The following GASK1A variants were observed in gnomAD, a reference collection of about 807,000 sequenced individuals.
GASK1A encodes the protein golgi associated kinase 1A, also known as Golgi-associated kinase 1A.
In GASK1A, 40 loss-of-function variants were observed where a neutral mutation model predicts 41.2. That is an observed-to-expected ratio of 0.97 (90% CI 0.75 to 1.27). GASK1A has a LOEUF of 1.27. Among genes scored for constraint, GASK1A ranks in the 50% most tolerant of loss-of-function variants. The pLI is 0.00. For synonymous variants in GASK1A, 316 were observed against 307.1 expected, an observed-to-expected ratio of 1.03 and a Z score of -0.30; for missense variants, 678 against 745.1, an observed-to-expected ratio of 0.91 and a Z score of 1.05.
chr3:43,032,486 A>G lies in GASK1A; in HGVS notation c.223A>G (p.Met75Val), dbSNP rs752749775. 2.3e-5 allele frequency: 36 copies of G among 1,550,760 alleles called. 1 individual carries two copies. In the South Asian group the frequency reaches 2.7e-4, roughly 12 times the overall value. ...CAGCCGGAGGCAGCGGGCAAGAAAC[A>G]TGGGCTTCTGGAGAAGCCGTGCTTT... The part of the protein sequence containing the change: ...SSSRRQRARN[M>V]GFWRSRALPR... Residue 75 changes from methionine to valine, a missense_variant, in exon 2 of 5, where the codon ATG becomes GTG. Coordinates refer to ENST00000430121, the MANE Select transcript of GASK1A (RefSeq NM_001129908.3).
intron 1 of GASK1A, among the ~76,000 whole-genome samples, chr3:42,997,149 A>G (rs2089379896): frequency 6.6e-6 from 1 of 152,238 alleles, no homozygotes; most frequent in African/African-American, 2.4e-5. Context: ...CAGGAGATGA[A>G]TAATTTTTTC....
At chr3:43,048,448 A>C (rs2125691517) in intron 2 of GASK1A, among the ~76,000 whole-genome samples, 1 of 152,316 alleles carries the variant, frequency 6.6e-6, no homozygotes, top group Non-Finnish European at 1.5e-5. Flanking sequence ...TGAATAGAGC[A>C]ATTTATCTGG....
chr3:43,029,014 G>A (rs1364492561), intron 1 of GASK1A, among the ~76,000 whole-genome samples: 1 of 152,146 alleles, frequency 6.6e-6, no homozygotes, highest in Non-Finnish European at 1.5e-5. Flanking sequence ...GGTGTCAGGT[G>A]AGGGGGGAAG....
In GASK1A at chr3:42,982,321, A is replaced by C. The variant is rs376822908; in HGVS notation, c.3+2676A>C. Among the ~76,000 whole-genome samples the C allele has an allele frequency of 3.9e-5, 6 of 152,324 alleles. 1 individual carries two copies. The highest frequency in any genetic ancestry group is 1.4e-4 in the African/African-American group (6 of 41,574). On this transcript the variant is annotated intron_variant, in intron 1 of 4. Transcript: ENST00000430121. The stretch of plus-strand genomic sequence containing the variant: ...AGAAAAATATTGATAGAGAAAGTTG[A>C]AACTATTACTGCCAATTAAAAAATG...
intron 1 of GASK1A, among the ~76,000 whole-genome samples, chr3:42,992,946 C>T (rs1239593224): frequency 2.0e-5 from 3 of 152,168 alleles, no homozygotes; most frequent in Admixed American, 6.5e-5. Flanking sequence ...TACAGCTTGG[C>T]GTTTGCCTTA....
At chr3:42,996,846 C>CAGGAACTGAGTAT (rs2089373508) in intron 1 of GASK1A, among the ~76,000 whole-genome samples, 1 of 152,012 alleles carries the variant, frequency 6.6e-6, no homozygotes, top group Non-Finnish European at 1.5e-5. Flanking sequence ...CAGCCTGTGC[C>CAGGAACTGAGTAT]CCGTGGGCTG....
chr3:43,027,507 C>T (rs2089552250), intron 1 of GASK1A, among the ~76,000 whole-genome samples: 1 of 151,298 alleles, frequency 6.6e-6, no homozygotes, highest in Non-Finnish European at 1.5e-5. Flanking sequence ...TTTAATTGTA[C>T]AAAGATAAAC....
chr3:42,996,652 T>G (rs1011029718), intron 1 of GASK1A, among the ~76,000 whole-genome samples: 4 of 152,158 alleles, frequency 2.6e-5, no homozygotes, highest in African/African-American at 9.7e-5. Context: ...AGCCCATGTG[T>G]TATTTGCAGC....
intron 2 of GASK1A, among the ~76,000 whole-genome samples, chr3:43,036,364 G>C (rs527977127): frequency 1.3e-5 from 2 of 152,300 alleles, no homozygotes; most frequent in African/African-American, 4.8e-5. Context: ...GGAACCTTCT[G>C]ACCAGGGCCT....
intron 1 of GASK1A, among the ~76,000 whole-genome samples, chr3:43,012,169 G>A (rs1427005766): frequency 6.6e-6 from 1 of 151,946 alleles, no homozygotes; most frequent in Non-Finnish European, 1.5e-5. Flanking sequence ...CACAGGAAGG[G>A]GCAGAGGGAA....
chr3:43,007,139 G>A (rs1321048990), intron 1 of GASK1A, among the ~76,000 whole-genome samples: 1 of 152,212 alleles, frequency 6.6e-6, no homozygotes, highest in African/African-American at 2.4e-5. Flanking sequence ...CATGGAAACA[G>A]GACATACTGT....
chr3:42,986,926 G>A (rs1408200041), intron 1 of GASK1A, among the ~76,000 whole-genome samples: 2 of 152,202 alleles, frequency 1.3e-5, no homozygotes, highest in Non-Finnish European at 2.9e-5. Context: ...AGTGACTCCA[G>A]GTTCTTGTTC....
intron 2 of GASK1A, among the ~76,000 whole-genome samples, chr3:43,035,971 G>A (rs892766341): frequency 2.6e-5 from 4 of 152,206 alleles, no homozygotes; most frequent in African/African-American, 4.8e-5. Context: ...GTCCATGAAC[G>A]AGGGCAGGAA....
chr3:43,053,984 A>G (rs759685125), intron 3 of GASK1A: 1 of 380,436 alleles, frequency 2.6e-6, no homozygotes, highest in Non-Finnish European at 5.1e-6. Context: ...TCGTTGTGCC[A>G]GTAAATGAGG....
intron 1 of GASK1A, among the ~76,000 whole-genome samples, chr3:43,006,028 CT>C (rs1290366331): frequency 1.3e-5 from 2 of 151,956 alleles, no homozygotes; most frequent in African/African-American, 4.8e-5. Flanking sequence ...ATCACCTTTC[CT>C]TTCCTGGGCA....
chr3:42,995,603 A>T (rs2089364942), intron 1 of GASK1A, among the ~76,000 whole-genome samples: 1 of 152,120 alleles, frequency 6.6e-6, no homozygotes, highest in South Asian at 2.1e-4. Flanking sequence ...CCTCCTGGAG[A>T]CTGGGGTGGA....
chr3:43,038,779 T>C (rs2089619157), intron 2 of GASK1A, among the ~76,000 whole-genome samples: 1 of 152,226 alleles, frequency 6.6e-6, no homozygotes, highest in Admixed American at 6.5e-5. Context: ...ATACTTCTGA[T>C]GCTCTTCATC....
At chr3:43,051,456 A>T (rs562222693) in intron 2 of GASK1A, among the ~76,000 whole-genome samples, 1 of 152,334 alleles carries the variant, frequency 6.6e-6, no homozygotes, top group East Asian at 1.9e-4. Context: ...GTGCTTGTAT[A>T]GTCTCAAGGT....
At position 43,033,086 on chromosome 3, in the gene GASK1A, G is replaced by A. The variant is rs1038583814; in HGVS notation, c.823G>A (p.Gly275Arg). 9 of 1,551,724 alleles carry A rather than the reference G, an allele frequency of 5.8e-6. No homozygotes were observed. The highest frequency in any genetic ancestry group is 7.0e-6 in the Non-Finnish European group (8 of 1,146,994). ...GCAGATGCTCCGTCTGTTGGCACAG[G>A]GGGAGGTGGTGGACAAAGCCAGGGT... is the stretch of plus-strand genomic sequence containing the variant. The part of the protein sequence containing the change: ...DVQMLRLLAQ[G>R]EVVDKARVPA... Residue 275 changes from glycine to arginine, a missense_variant, in exon 2 of 5, where the codon GGG (glycine) becomes AGG (arginine). Physicochemically the swap from Gly to Arg is moderately radical, Grantham distance 125. Transcript: ENST00000430121.
Sources: allele counts gnomAD v4.1 joint callset (sites outside exome capture counted in the v4.1 genomes callset), GRCh38; gene constraint gnomAD v4.1.1; transcripts MANE v1.5; gene names NCBI Gene and HGNC (gene_info 2026-07-23, HGNC 2026-07-21).